Variants in NAV2 observed in about 807,000 individuals in gnomAD.
NAV2 encodes helicase, APC down-regulated 1.
Under a neutral mutation model 223.2 loss-of-function variants are expected in NAV2, and 54 were observed. The observed-to-expected ratio is 0.24, with a 90% CI of 0.19 to 0.30. NAV2 has a LOEUF of 0.30. NAV2 is among the 10% of genes least tolerant of loss of function. The pLI, the probability that NAV2 is intolerant of heterozygous loss-of-function variation, is 1.00. For synonymous variants in NAV2, 1,279 were observed against 1,239.3 expected (o/e 1.03, Z -0.67); for missense variants, 2,806 against 3,147.5 (o/e 0.89, Z 2.60).
intron 1 of NAV2, among the ~76,000 whole-genome samples, chr11:19,640,422 A>AAT (rs2047632758): frequency 1.3e-5 from 2 of 151,412 alleles, no homozygotes; most frequent in South Asian, 4.1e-4. Context: ...AAATACATAT[A>AAT]ATATATACTA....
At chr11:19,429,309 C>T (rs923100114) in intron 1 of NAV2, among the ~76,000 whole-genome samples, 1 of 152,198 alleles carries the variant, frequency 6.6e-6, no homozygotes, top group Non-Finnish European at 1.5e-5. Context: ...GGGCCAGGAC[C>T]AAGTCTAAAG....
At chr11:19,775,010 T>C (rs1455917255) in intron 1 of NAV2, among the ~76,000 whole-genome samples, 1 of 152,174 alleles carries the variant, frequency 6.6e-6, no homozygotes, top group Admixed American at 6.5e-5. Flanking sequence ...AAATCCCTGA[T>C]CTTGCAGTAT....
At chr11:20,070,313 A>G (rs964451812) in intron 22 of NAV2, among the ~76,000 whole-genome samples, 10 of 152,206 alleles carry the variant, frequency 6.6e-5, no homozygotes, top group African/African-American at 2.4e-4. Flanking sequence ...GTCAAACCAC[A>G]GTGATTCTGA....
chr11:19,346,332 G>A (rs1335709735), upstream of NAV2, among the ~76,000 whole-genome samples: 1 of 152,224 alleles, frequency 6.6e-6, no homozygotes, highest in East Asian at 1.9e-4. Context: ...ATGTGTTGGT[G>A]GGGGTGGTGT....
At chr11:19,431,187 CT>C (rs2133595324) in intron 1 of NAV2, among the ~76,000 whole-genome samples, 1 of 152,354 alleles carries the variant, frequency 6.6e-6, no homozygotes, top group East Asian at 1.9e-4. Context: ...GAGTGCATCC[CT>C]TCAAGCTGTG....
chr11:19,586,546 T>G (rs1463854297), intron 1 of NAV2, among the ~76,000 whole-genome samples: 1 of 151,768 alleles, frequency 6.6e-6, no homozygotes, highest in African/African-American at 2.4e-5. Context: ...GTGACGTACA[T>G]ATGGGGTTTT....
At chr11:19,488,557 G>A (rs1385792343) in intron 1 of NAV2, among the ~76,000 whole-genome samples, 2 of 152,186 alleles carry the variant, frequency 1.3e-5, no homozygotes, top group Admixed American at 6.5e-5. Context: ...CTTCCCAGAT[G>A]TGTACCCTAC....
At chr11:19,908,241 G>A (rs1328501139) in intron 6 of NAV2, among the ~76,000 whole-genome samples, 1 of 152,176 alleles carries the variant, frequency 6.6e-6, no homozygotes, top group Non-Finnish European at 1.5e-5. Flanking sequence ...CTGCCTTTTG[G>A]ATGAGCTTAA....
At chr11:19,529,675 G>T (rs1377164814) in intron 1 of NAV2, among the ~76,000 whole-genome samples, 1 of 152,198 alleles carries the variant, frequency 6.6e-6, no homozygotes, top group African/African-American at 2.4e-5. Flanking sequence ...AGAGGTCCAG[G>T]GTTCCCCTTG....
At chr11:19,427,462 A>G (rs1850876257) in intron 1 of NAV2, among the ~76,000 whole-genome samples, 1 of 152,222 alleles carries the variant, frequency 6.6e-6, no homozygotes, top group African/African-American at 2.4e-5. Flanking sequence ...GGAGGGCAGC[A>G]TGTTAAGTGT....
At chr11:19,543,647 T>A (rs2044400374) in intron 1 of NAV2, among the ~76,000 whole-genome samples, 1 of 152,216 alleles carries the variant, frequency 6.6e-6, no homozygotes, top group East Asian at 1.9e-4. Flanking sequence ...GAGCTTGCCT[T>A]CCTTTGTCTA....
At chr11:19,976,978 C>G (rs2049818910) in intron 10 of NAV2, among the ~76,000 whole-genome samples, 1 of 152,200 alleles carries the variant, frequency 6.6e-6, no homozygotes, top group Admixed American at 6.5e-5. Flanking sequence ...CTAAAAAGAA[C>G]AAGTCGCTAT....
At chr11:19,653,364 GA>G (rs1188623269) in intron 1 of NAV2, among the ~76,000 whole-genome samples, 1 of 152,230 alleles carries the variant, frequency 6.6e-6, no homozygotes, top group Non-Finnish European at 1.5e-5. Context: ...GCAAGCTTCA[GA>G]GGGAGAGTAA....
chr11:19,364,257 G>C (rs1362168946), intron 1 of NAV2, among the ~76,000 whole-genome samples: 2 of 152,126 alleles, frequency 1.3e-5, no homozygotes, highest in African/African-American at 4.8e-5. Flanking sequence ...AAATTCCAAG[G>C]GTTTCAGAAG....
intron 6 of NAV2, among the ~76,000 whole-genome samples, chr11:19,914,302 T>C (rs112055829): frequency 1.3e-5 from 2 of 152,324 alleles, no homozygotes; most frequent in African/African-American, 4.8e-5. Flanking sequence ...TGGTGTCACA[T>C]TACTGTCGGT....
upstream of NAV2, among the ~76,000 whole-genome samples, chr11:19,709,742 G>A (rs928853663): frequency 4.0e-5 from 6 of 151,756 alleles, no homozygotes; most frequent in Admixed American, 1.3e-4. Flanking sequence ...CCAAGATCGC[G>A]CCATTGCACT....
At position 19,622,670 on chromosome 11, in the gene NAV2, G is replaced by A. The variant is rs995336907; in HGVS notation, c.76-209814G>A. Among the ~76,000 whole-genome samples the A allele has an allele frequency of 5.9e-5, 9 of 152,270 alleles. No individual in the cohort carries two copies. The Middle Eastern group carries it at 0.01, about 173-fold the overall frequency. On this transcript the variant is annotated intron_variant, in intron 1 of 37. Coordinates refer to the NAV2 transcript ENST00000360655. ...AGCCTATGTGTGTCTCTGCACGTGAGATGGGTTTCCTGAATACAGCACACT... is the reference window on the plus strand; with the variant it reads ...AGCCTATGTGTGTCTCTGCACGTGAAATGGGTTTCCTGAATACAGCACACT...
intron 1 of NAV2, among the ~76,000 whole-genome samples, chr11:19,389,949 C>G (rs1849184762): frequency 6.6e-6 from 1 of 152,190 alleles, no homozygotes; most frequent in South Asian, 2.1e-4. Context: ...CCTCTGCCCT[C>G]TATTCATGGC....
At chr11:20,093,017 G>A in intron 28 of NAV2, 82 bp from the exon 29 acceptor site, 3 of 639,960 alleles carry the variant, frequency 4.7e-6, no homozygotes, top group Non-Finnish European at 8.0e-6. Context: ...TCCCGCTGCT[G>A]TGCCAACCTG....
Sources: gnomAD v4.1 joint callset for allele counts (sites outside exome capture counted in the v4.1 genomes callset) on GRCh38, gnomAD v4.1.1 for gene constraint, MANE v1.5 for transcripts, NCBI Gene and HGNC (gene_info 2026-07-23, HGNC 2026-07-21) for gene names.